ADIPOR2: variants seen among roughly 807,000 people sequenced by gnomAD.
The protein encoded by ADIPOR2 is adiponectin receptor 2.
Under a neutral mutation model 40.9 loss-of-function variants are expected in ADIPOR2, and 18 were observed. That is an observed-to-expected ratio of 0.44 (90% confidence interval 0.30 to 0.65). The LOEUF is 0.65. Ranked by LOEUF, ADIPOR2 falls within the 30% of genes least tolerant of loss-of-function variation. The probability of loss-of-function intolerance (pLI) is 0.09; values close to 1 mark genes in which losing one functional copy is unlikely to be tolerated. For missense variants in ADIPOR2, 283 were observed against 479.2 expected, an observed-to-expected ratio of 0.59 and a Z score of 3.82; for synonymous variants, 165 against 166.4, an observed-to-expected ratio of 0.99 and a Z score of 0.06.
intron 1 of ADIPOR2, among the ~76,000 whole-genome samples, chr12:1,739,151 A>G (rs1438650654): frequency 6.6e-6 from 1 of 152,262 alleles, no homozygotes; most frequent in East Asian, 1.9e-4. Flanking sequence ...TTGAAAATTT[A>G]CTGTGCATCA....
intron 2 of ADIPOR2, among the ~76,000 whole-genome samples, chr12:1,772,121 T>G (rs529601397): frequency 1.3e-5 from 2 of 152,336 alleles, no homozygotes; most frequent in South Asian, 4.1e-4. Context: ...AAATTTTAAT[T>G]TTAGTAATTT....
At chr12:1,732,258 T>A (rs748826553) in intron 1 of ADIPOR2, among the ~76,000 whole-genome samples, 3 of 152,226 alleles carry the variant, frequency 2.0e-5, no homozygotes, top group Non-Finnish European at 2.9e-5. Context: ...ATGAAAGGTA[T>A]CCACTATTAC....
chr12:1,696,048 AG>A (rs1463912400), intron 1 of ADIPOR2: 1 of 159,106 alleles, frequency 6.3e-6, no homozygotes, highest in Non-Finnish European at 1.5e-5. Context: ...CAGCCATTGC[AG>A]TTGCTAGTCA....
intron 6 of ADIPOR2, among the ~76,000 whole-genome samples, chr12:1,782,747 C>T (rs12315846): frequency 1.2e-3 from 179 of 152,154 alleles, no homozygotes; most frequent in African/African-American, 4.0e-3. Context: ...ACATTAGATG[C>T]TTCTGGAGGC....
intron 6 of ADIPOR2, 54 bp downstream of exon 6, chr12:1,781,130 T>C: frequency 1.9e-5 from 28 of 1,457,364 alleles, no homozygotes; most frequent in Non-Finnish European, 2.6e-5. Context: ...CTAGTTAAAT[T>C]CACTATTTAT....
intron 1 of ADIPOR2, among the ~76,000 whole-genome samples, chr12:1,723,866 G>A (rs1214556594): frequency 1.3e-5 from 2 of 152,090 alleles, no homozygotes; most frequent in East Asian, 3.8e-4. Flanking sequence ...GTCTTGAAGG[G>A]GTATTTCTAC....
At chr12:1,727,398 T>G (rs2094709968) in intron 1 of ADIPOR2, among the ~76,000 whole-genome samples, 1 of 152,134 alleles carries the variant, frequency 6.6e-6, no homozygotes, top group Non-Finnish European at 1.5e-5. Flanking sequence ...TGTAGTAGGG[T>G]GTATAGTATG....
intron 2 of ADIPOR2, chr12:1,758,158 G>A (rs549993123): frequency 2.4e-6 from 1 of 422,786 alleles, no homozygotes; most frequent in Non-Finnish European, 4.2e-6. Context: ...TGGTTGAAGT[G>A]GTATCTTCTG....
chr12:1,695,837 TTCTC>T (rs2094637623), intron 1 of ADIPOR2: 1 of 152,132 alleles, frequency 6.6e-6, no homozygotes, highest in African/African-American at 2.4e-5. Context: ...ATGTTACTTT[TTCTC>T]TCTTTTTATT....
At chr12:1,716,596 T>C (rs1449771264) in intron 1 of ADIPOR2, among the ~76,000 whole-genome samples, 1 of 152,208 alleles carries the variant, frequency 6.6e-6, no homozygotes, top group African/African-American at 2.4e-5. Flanking sequence ...GTTTAGGAAA[T>C]TTCCTGCTTT....
intron 1 of ADIPOR2, among the ~76,000 whole-genome samples, chr12:1,700,797 T>A (rs1381439012): frequency 1.7e-4 from 25 of 144,232 alleles, no homozygotes; most frequent in African/African-American, 5.3e-4. Flanking sequence ...GCCCTAGATT[T>A]AAAAAAAAAA....
At chr12:1,752,352 G>T (rs2094771344) in intron 1 of ADIPOR2, among the ~76,000 whole-genome samples, 1 of 148,666 alleles carries the variant, frequency 6.7e-6, no homozygotes, top group Non-Finnish European at 1.5e-5. Context: ...TCTCACCTTG[G>T]CCTCCCTAAG....
intron 1 of ADIPOR2, among the ~76,000 whole-genome samples, chr12:1,733,422 C>T (rs140130820): frequency 2.0e-5 from 3 of 152,108 alleles, no homozygotes; most frequent in Admixed American, 6.5e-5. Flanking sequence ...TGGATATAAC[C>T]GTGAGAGCAG....
At chr12:1,704,373 C>T (rs962720423) in intron 1 of ADIPOR2, among the ~76,000 whole-genome samples, 21 of 152,126 alleles carry the variant, frequency 1.4e-4, no homozygotes, top group African/African-American at 2.4e-4. Flanking sequence ...TGTCATTTCT[C>T]TTACTATTTA....
At chr12:1,780,235 G>T (rs551740058) in intron 4 of ADIPOR2, 7 of 450,850 alleles carry the variant, frequency 1.6e-5, no homozygotes, top group African/African-American at 1.4e-4. Flanking sequence ...TTTATATTCT[G>T]TATATTCAGT....
intron 2 of ADIPOR2, among the ~76,000 whole-genome samples, chr12:1,759,907 C>T (rs1862231742): frequency 6.6e-6 from 1 of 151,968 alleles, no homozygotes; most frequent in African/African-American, 2.4e-5. Context: ...CACCTATAAT[C>T]CCGGCTACTT....
At chr12:1,712,678 T>A (rs1274759970) in intron 1 of ADIPOR2, among the ~76,000 whole-genome samples, 1 of 152,098 alleles carries the variant, frequency 6.6e-6, no homozygotes, top group African/African-American at 2.4e-5. Context: ...TAGATGAGTA[T>A]TTGCCCTCTG....
intron 6 of ADIPOR2, among the ~76,000 whole-genome samples, chr12:1,782,688 C>T (rs1862741564): frequency 6.6e-6 from 1 of 152,110 alleles, no homozygotes; most frequent in African/African-American, 2.4e-5. Flanking sequence ...CTGGTTGAGA[C>T]TCATTTAATT....
chr12:1,723,520 G>A (rs917311805), intron 1 of ADIPOR2, among the ~76,000 whole-genome samples: 3 of 150,132 alleles, frequency 2.0e-5, no homozygotes, highest in African/African-American at 7.4e-5. Context: ...GCCTGTGCCT[G>A]TACTCCCAGT....
Sources: allele counts gnomAD v4.1 joint callset (sites outside exome capture counted in the v4.1 genomes callset), GRCh38; gene constraint gnomAD v4.1.1; transcripts MANE v1.5; gene names NCBI Gene and HGNC (gene_info 2026-07-23, HGNC 2026-07-21).